PTCHD4: variants seen among roughly 807,000 people sequenced by gnomAD.
The protein encoded by PTCHD4 is patched domain-containing protein 4.
Under a neutral mutation model 58.1 loss-of-function variants are expected in PTCHD4, and 33 were observed. The ratio of observed to expected loss-of-function variants is 0.57; its 90% CI spans 0.43 to 0.76. The LOEUF (loss-of-function observed/expected upper bound fraction) is 0.76. Ranked by LOEUF, PTCHD4 falls within the 30% of genes least tolerant of loss-of-function variation. PTCHD4 has a pLI of 0.00. For synonymous variants in PTCHD4, 478 were observed against 409.6 expected (o/e 1.17, Z -2.02); for missense variants, 1,058 against 1,027.1 (o/e 1.03, Z -0.41).
chr6:48,104,433 A>T (rs571292425), intron 1 of PTCHD4, among the ~76,000 whole-genome samples: 1 of 152,192 alleles, frequency 6.6e-6, no homozygotes, highest in Non-Finnish European at 1.5e-5. Flanking sequence ...GCCTGCCCTA[A>T]AAGAGCTCCT....
chr6:47,905,012 TAGA>T (rs762304857), intron 4 of PTCHD4, among the ~76,000 whole-genome samples: 9 of 139,644 alleles, frequency 6.4e-5, no homozygotes, highest in Non-Finnish European at 1.1e-4. Flanking sequence ...AATAGAGAAT[TAGA>T]AGAAGAACTA....
chr6:47,927,216 T>C (rs2113897743), intron 4 of PTCHD4, among the ~76,000 whole-genome samples: 1 of 152,314 alleles, frequency 6.6e-6, no homozygotes, highest in East Asian at 1.9e-4. Context: ...TCATACTTGC[T>C]CTATTAAAAA....
intron 4 of PTCHD4, among the ~76,000 whole-genome samples, chr6:47,882,741 G>GATATATATATATATATATATAT (rs1554149146): frequency 0.018 from 1,801 of 102,174 alleles, 60 homozygotes; most frequent in Middle Eastern, 0.026. Context: ...TGATTCCAGT[G>GATATATATATATATATATATAT]ATATATATAT....
In PTCHD4 at chr6:47,862,189, A is replaced by AT. The variant is rs1260725269; in HGVS notation, c.*16113dup. 1.3e-5 allele frequency among the ~76,000 whole-genome samples: 2 copies of AT among 151,318 alleles called. No individual in the cohort carries two copies. Among genetic ancestry groups the AT allele is most frequent in the African/African-American group, 4.8e-5 (2 of 41,278 alleles). On this transcript the variant is annotated 3_prime_UTR_variant, in exon 5 of 5. Coordinates refer to ENST00000339488, the MANE Select transcript of PTCHD4 (RefSeq NM_001384253.1). The stretch of plus-strand genomic sequence containing the variant: ...AGTTGGCCTTTAGGAGGCCTGATGG[A>AT]TTTTTAATGAATTATCGGTTTTGCC...
intron 4 of PTCHD4, among the ~76,000 whole-genome samples, chr6:47,912,400 T>C (rs1765097834): frequency 6.6e-6 from 1 of 152,082 alleles, no homozygotes; most frequent in Non-Finnish European, 1.5e-5. Flanking sequence ...ACATTTTGAG[T>C]AGGAGAATTC....
At chr6:47,928,058 T>G (rs2113899332) in intron 4 of PTCHD4, among the ~76,000 whole-genome samples, 1 of 152,324 alleles carries the variant, frequency 6.6e-6, no homozygotes, top group Admixed American at 6.5e-5. Flanking sequence ...TTTTCTGTCT[T>G]TCTCCATATA....
intron 4 of PTCHD4, among the ~76,000 whole-genome samples, chr6:47,994,796 T>C (rs761834325): frequency 4.6e-5 from 7 of 152,212 alleles, no homozygotes; most frequent in African/African-American, 1.4e-4. Context: ...TGAGTACATA[T>C]AGATGGCATG....
rs1192808565 is a variant in PTCHD4 at position 48,006,970 on chromosome 6, G to A, written c.898+1664C>T. The stretch of plus-strand genomic sequence containing the variant: ...AGAAGGTGAACTAGCTGGGCGTGGT[G>A]GCTTACGCCTGTAATCCCAGCACTT... On this transcript the variant is annotated intron_variant, in intron 4 of 4. Coordinates refer to ENST00000339488, the MANE Select transcript of PTCHD4 (RefSeq NM_001384253.1). 4.6e-5 allele frequency among the ~76,000 whole-genome samples: 7 copies of A among 152,230 alleles called. 1 individual carries two copies. Among genetic ancestry groups the A allele is most frequent in the Non-Finnish European group, 1.5e-5 (1 of 68,040 alleles).
intron 3 of PTCHD4, among the ~76,000 whole-genome samples, chr6:48,059,634 TCAAACAAACAAA>T (rs146823585): frequency 6.6e-6 from 1 of 151,504 alleles, no homozygotes; most frequent in East Asian, 1.9e-4. Context: ...TGAGACTGTC[TCAAACAAACAAA>T]CAAACAAACA....
At chr6:48,094,198 C>A (rs1030308751) in intron 1 of PTCHD4, among the ~76,000 whole-genome samples, 6 of 152,096 alleles carry the variant, frequency 3.9e-5, no homozygotes, top group Non-Finnish European at 7.4e-5. Context: ...GCATCCTATT[C>A]TTTCTTTCTC....
At chr6:48,015,054 C>G (rs1762820617) in intron 3 of PTCHD4, among the ~76,000 whole-genome samples, 1 of 150,558 alleles carries the variant, frequency 6.6e-6, no homozygotes, top group African/African-American at 2.5e-5. Context: ...TTCTTTTCCC[C>G]AAAAACCTCC....
intron 4 of PTCHD4, chr6:47,900,671 A>T (rs1456534211): frequency 2.0e-5 from 3 of 152,180 alleles, no homozygotes; most frequent in Non-Finnish European, 4.4e-5. Context: ...TATCTGTATC[A>T]GATTAAGCAA....
At chr6:48,054,661 G>A (rs967840995) in intron 3 of PTCHD4, among the ~76,000 whole-genome samples, 4 of 151,916 alleles carry the variant, frequency 2.6e-5, no homozygotes, top group Non-Finnish European at 5.9e-5. Context: ...ATAGCTACTT[G>A]GTGAACTTTT....
intron 4 of PTCHD4, 52 bp from the exon 5 acceptor site, chr6:47,879,988 T>G (rs1300106045): frequency 7.7e-7 from 1 of 1,296,952 alleles, no homozygotes; most frequent in Non-Finnish European, 1.0e-6. Context: ...CTCCTATGGC[T>G]CAAGTGAATT....
At chr6:47,926,434 A>G (rs1336272893) in intron 4 of PTCHD4, among the ~76,000 whole-genome samples, 1 of 152,204 alleles carries the variant, frequency 6.6e-6, no homozygotes, top group Non-Finnish European at 1.5e-5. Context: ...GATGCATAAA[A>G]TACTTTATGC....
In PTCHD4 at chr6:47,904,560, A is replaced by G. The variant is rs142040877; in HGVS notation, c.899-24624T>C. On this transcript the variant is annotated intron_variant, in intron 4 of 4. Coordinates refer to ENST00000339488, the MANE Select transcript of PTCHD4 (RefSeq NM_001384253.1). ...CTCTGACTTAGAATCTCCTGGAAAG[A>G]GGATTATAGCAGTAAAGCTATCTCT... Among the ~76,000 whole-genome samples the G allele has an allele frequency of 5.9e-5, 9 of 152,316 alleles. No individual in the cohort carries two copies. In the East Asian group the frequency reaches 1.7e-3, roughly 29 times the overall value.
At position 47,878,820 on chromosome 6, in the gene PTCHD4, G is replaced by T. The variant is rs145840291; in HGVS notation, c.2015C>A (p.Thr672Asn). 1.5e-5 allele frequency: 25 copies of T among 1,613,518 alleles called. No homozygotes were observed. The African/African-American group carries it at 3.2e-4, about 21-fold the overall frequency. The change falls in exon 5 of 5, where the codon ACT becomes AAT. Residue 672 changes from threonine to asparagine, a missense_variant. Coordinates refer to ENST00000339488, the MANE Select transcript of PTCHD4 (RefSeq NM_001384253.1). ...GFGVLLVLIL[T>N]FFLVIHPLGN... ...CAGAGGGTGGATCACTAGGAAAAAA[G>T]TCAGGATTAACACCAGGAGAACACC...
At chr6:47,982,863 GAA>G (rs1282187372) in intron 4 of PTCHD4, among the ~76,000 whole-genome samples, 2 of 152,166 alleles carry the variant, frequency 1.3e-5, no homozygotes, top group African/African-American at 4.8e-5. Flanking sequence ...AATTTTGAAT[GAA>G]GTAATGAATT....
At chr6:47,909,087 A>C (rs923164480) in intron 4 of PTCHD4, among the ~76,000 whole-genome samples, 9 of 152,164 alleles carry the variant, frequency 5.9e-5, no homozygotes, top group African/African-American at 2.2e-4. Context: ...GTTTTGAATG[A>C]TTTGTTCACA....
Sources: allele counts gnomAD v4.1 joint callset (sites outside exome capture counted in the v4.1 genomes callset), GRCh38; gene constraint gnomAD v4.1.1; transcripts MANE v1.5; gene names NCBI Gene and HGNC (gene_info 2026-07-23, HGNC 2026-07-21).